PRR33: variants seen among roughly 807,000 people sequenced by gnomAD.
The protein encoded by PRR33 is proline rich 33.
Under a neutral mutation model 0.5 loss-of-function variants are expected in PRR33, and 1 was observed. The ratio of observed to expected loss-of-function variants is 2.18; its 90% CI spans 0.77 to 10.34. PRR33 has a LOEUF of 10.34. PRR33 is among the 30% of genes most tolerant of loss of function. The pLI, the probability that PRR33 is intolerant of heterozygous loss-of-function variation, is 0.13. For synonymous variants in PRR33, 226 were observed against 110.0 expected, an observed-to-expected ratio of 2.06 and a Z score of -6.60; for missense variants, 552 against 251.8, an observed-to-expected ratio of 2.19 and a Z score of -8.07.
the PRR33 span, among the ~76,000 whole-genome samples, chr11:1,917,661 C>T: frequency 6.6e-6 from 1 of 152,256 alleles, no homozygotes. Flanking sequence ...CTCGAGGCCG[C>T]TGGTGCCTGC....
the PRR33 span, among the ~76,000 whole-genome samples, chr11:1,914,708 TG>T: frequency 8.4e-5 from 12 of 142,592 alleles, no homozygotes; most frequent in Admixed American, 2.8e-4. Flanking sequence ...GTCACACACC[TG>T]GGGATGATGT....
chr11:1,894,750 G>A (rs1849105183), upstream of PRR33, among the ~76,000 whole-genome samples: 1 of 152,154 alleles, frequency 6.6e-6, no homozygotes, highest in Non-Finnish European at 1.5e-5. Flanking sequence ...AGTTTTGAAT[G>A]ATGGAAAGTA....
exon 1 of PRR33, chr11:1,890,290 G>C: frequency 1.4e-6 from 1 of 712,256 alleles, no homozygotes; most frequent in Admixed American, 2.0e-5. Flanking sequence ...GCGGGGCGTG[G>C]GGCTTCAGGA....
At chr11:1,901,880 C>T in the PRR33 span, among the ~76,000 whole-genome samples, 1 of 152,182 alleles carries the variant, frequency 6.6e-6, no homozygotes, top group African/African-American at 2.4e-5. Context: ...TTCAAGGTAG[C>T]CGTTGAATGT....
At chr11:1,890,564 C>G (rs760582443) in exon 1 of PRR33, 1 of 710,124 alleles carries the variant, frequency 1.4e-6, no homozygotes, top group South Asian at 1.5e-5. Context: ...CGGGTGCCAT[C>G]GACGCAGCCG....
the PRR33 span, among the ~76,000 whole-genome samples, chr11:1,906,502 G>A: frequency 2.0e-5 from 3 of 152,028 alleles, no homozygotes; most frequent in South Asian, 6.2e-4. Flanking sequence ...ACTTTAACTC[G>A]GGTGGGAGCT....
the PRR33 span, among the ~76,000 whole-genome samples, chr11:1,901,172 C>T: frequency 6.6e-6 from 1 of 151,990 alleles, no homozygotes; most frequent in South Asian, 2.1e-4. Flanking sequence ...ATTAGTCGGG[C>T]GTTGTGGCAG....
the PRR33 span, among the ~76,000 whole-genome samples, chr11:1,899,262 G>A: frequency 6.6e-6 from 1 of 152,204 alleles, no homozygotes; most frequent in East Asian, 1.9e-4. Context: ...TCTCCAATGG[G>A]GCTGCAGTTG....
the PRR33 span, chr11:1,907,747 A>G: frequency 6.6e-6 from 1 of 151,416 alleles, no homozygotes; most frequent in African/African-American, 2.4e-5. Flanking sequence ...TTTTTTTCAC[A>G]TGTCGTAGCC....
upstream of PRR33, among the ~76,000 whole-genome samples, chr11:1,892,535 T>A (rs1277799812): frequency 2.6e-5 from 4 of 152,222 alleles, no homozygotes; most frequent in Non-Finnish European, 5.9e-5. Context: ...CAATATAAAC[T>A]TCTGTGCCTT....
chr11:1,915,680 TG>T, the PRR33 span, among the ~76,000 whole-genome samples: 2 of 370 alleles, frequency 5.4e-3, no homozygotes, highest in African/African-American at 0.03. Flanking sequence ...GGGGGGGTGA[TG>T]TTTCTGTGTG....
exon 1 of PRR33, chr11:1,889,377 G>T (rs1209504094): frequency 5.7e-6 from 4 of 706,502 alleles, no homozygotes; most frequent in Non-Finnish European, 1.1e-5. Context: ...GTACAGCACG[G>T]CATCCCACAT....
chr11:1,892,733 T>A (rs984332987), upstream of PRR33, among the ~76,000 whole-genome samples: 2 of 150,210 alleles, frequency 1.3e-5, no homozygotes, highest in Non-Finnish European at 3.0e-5. Context: ...GATAGGTGGG[T>A]GAATGGATGG....
At chr11:1,897,731 C>G in the PRR33 span, among the ~76,000 whole-genome samples, 3 of 152,224 alleles carry the variant, frequency 2.0e-5, no homozygotes, top group Non-Finnish European at 4.4e-5. This position sits in a 1 kb window ranked among gnomAD's most constrained non-coding sequence, Gnocchi z 4.0. Flanking sequence ...TCATTCGTAC[C>G]TAGGTTACGA....
chr11:1,907,661 G>A, the PRR33 span, among the ~76,000 whole-genome samples: 7 of 152,228 alleles, frequency 4.6e-5, no homozygotes, highest in African/African-American at 1.7e-4. Flanking sequence ...TGATCCAACC[G>A]CCCCGGCCTC....
chr11:1,894,057 A>AGTGTGTGT (rs61527876), upstream of PRR33, among the ~76,000 whole-genome samples: 9 of 53,200 alleles, frequency 1.7e-4, no homozygotes, highest in South Asian at 8.3e-4. Context: ...GGAGTGTGGG[A>AGTGTGTGT]GTGTGTGTGT....
the PRR33 span, among the ~76,000 whole-genome samples, chr11:1,905,363 G>A: frequency 6.6e-6 from 1 of 151,218 alleles, no homozygotes; most frequent in African/African-American, 2.4e-5. Context: ...CTGACCTCAG[G>A]TGATCCGTCT....
At chr11:1,903,771 G>A in the PRR33 span, among the ~76,000 whole-genome samples, 3 of 152,254 alleles carry the variant, frequency 2.0e-5, no homozygotes, top group South Asian at 4.1e-4. Flanking sequence ...TTAGATCCTC[G>A]TGATCAACTG....
upstream of PRR33, among the ~76,000 whole-genome samples, chr11:1,895,810 A>G (rs976833968): frequency 2.0e-5 from 3 of 152,194 alleles, no homozygotes; most frequent in African/African-American, 7.2e-5. Context: ...GGTTTCTTGA[A>G]GAAGCTACAG....
Sources: gnomAD v4.1 joint callset for allele counts (sites outside exome capture counted in the v4.1 genomes callset) on GRCh38, gnomAD v4.1.1 for gene constraint, Gnocchi (gnomAD v3.1) non-coding constraint, MANE v1.5 for transcripts, NCBI Gene and HGNC (gene_info 2026-07-23, HGNC 2026-07-21) for gene names.